SVOP: variants seen among roughly 807,000 people sequenced by gnomAD.
The protein encoded by SVOP is SV2 related protein.
In SVOP, 17 loss-of-function variants were observed where a neutral mutation model predicts 69.1. That is an observed-to-expected ratio of 0.25 (90% CI 0.17 to 0.37). The LOEUF is 0.37. Ranked by LOEUF, SVOP falls within the 10% of genes least tolerant of loss-of-function variation. The pLI is 1.00. For missense variants in SVOP, 435 were observed against 597.5 expected (o/e 0.73, Z 2.84); for synonymous variants, 238 against 238.6 (o/e 1.00, Z 0.02).
rs34124314 is a variant in SVOP, at chr12:109,004,410, C to CTTTTTT, written c.35+16418_35+16423dup. 1.2e-3 allele frequency among the ~76,000 whole-genome samples: 147 copies of CTTTTTT among 120,340 alleles called. 3 individuals carry two copies. Among genetic ancestry groups the CTTTTTT allele is most frequent in the Non-Finnish European group, 2.1e-3 (122 of 58,440 alleles). The allele number at this position is 120,340 out of a possible 152,430, so 78.9% of individuals were successfully genotyped here. A position where few individuals can be genotyped will look rare whatever the true frequency, so the allele number is the denominator to read the frequency against. ...CTGTGACTCGATTCAGGTATTGCTA[C>CTTTTTT]TTTTTTTTTTTTTTTTTTTGAGACA... On this transcript the variant is annotated intron_variant, in intron 1 of 15. Transcript: ENST00000610966.
At chr12:108,988,006 C>G (rs577977039) in intron 1 of SVOP, among the ~76,000 whole-genome samples, 5 of 152,164 alleles carry the variant, frequency 3.3e-5, no homozygotes, top group Non-Finnish European at 7.3e-5. Flanking sequence ...ACTGCAGCCT[C>G]GACCTCCTGG....
At chr12:108,988,023 G>A (rs1172948133) in intron 1 of SVOP, among the ~76,000 whole-genome samples, 1 of 152,112 alleles carries the variant, frequency 6.6e-6, no homozygotes, top group Non-Finnish European at 1.5e-5. Context: ...CTGGGCTCAG[G>A]TGCTCCTCCC....
At chr12:108,939,721 C>T (rs574552741) in intron 8 of SVOP, among the ~76,000 whole-genome samples, 4 of 152,196 alleles carry the variant, frequency 2.6e-5, no homozygotes, top group East Asian at 3.9e-4. Context: ...TTTTTCATAG[C>T]GCAAAGTTGT....
intron 11 of SVOP, among the ~76,000 whole-genome samples, chr12:108,928,117 T>C (rs1447580337): frequency 6.6e-6 from 1 of 151,848 alleles, no homozygotes; most frequent in Non-Finnish European, 1.5e-5. Context: ...TTGGCCAGGC[T>C]GGTCTCAAAC....
intron 1 of SVOP, among the ~76,000 whole-genome samples, chr12:109,015,611 G>C (rs530941775): frequency 5.8e-4 from 87 of 149,966 alleles, no homozygotes; most frequent in Middle Eastern, 3.4e-3. Context: ...CAGGTGACCA[G>C]CCTGGCCAAC....
Position 108,911,254 on chromosome 12 carries a change from C to T in SVOP, c.*1281G>A, listed in dbSNP as rs1354719330. 6.6e-6 allele frequency: 1 copy of T among 152,246 alleles called. No homozygotes were observed. The highest frequency in any genetic ancestry group is 1.5e-5 in the Non-Finnish European group (1 of 68,062). The allele number at this position is 152,246 out of a possible 1,614,324, so 9.4% of individuals were successfully genotyped here. A position where few individuals can be genotyped will look rare whatever the true frequency, so the allele number is the denominator to read the frequency against. On this transcript the variant is annotated 3_prime_UTR_variant, in exon 16 of 16. Coordinates refer to ENST00000610966, the MANE Select transcript of SVOP (RefSeq NM_018711.5). ...GTCCCTGGACAGAGGAGCAGCTTCG[C>T]ATCAGGGAATCCTGGTCCCCTGATC...
intron 5 of SVOP, among the ~76,000 whole-genome samples, chr12:108,963,342 C>T (rs2040027310): frequency 6.6e-6 from 1 of 152,138 alleles, no homozygotes; most frequent in Admixed American, 6.6e-5. Flanking sequence ...TAGAAAATGA[C>T]TTTATGTGGC....
chr12:108,950,141 G>A (rs2137413883), intron 6 of SVOP, among the ~76,000 whole-genome samples: 1 of 152,106 alleles, frequency 6.6e-6, no homozygotes, highest in East Asian at 1.9e-4. Context: ...ATAGCTCACT[G>A]CAGCCTTGAG....
At chr12:108,977,374 G>A in intron 4 of SVOP, 24 bp downstream of exon 4, 5 of 1,536,520 alleles carry the variant, frequency 3.3e-6, no homozygotes, top group Non-Finnish European at 4.4e-6. Context: ...GTATGCAACA[G>A]AAGGGAGCTG....
intron 9 of SVOP, among the ~76,000 whole-genome samples, chr12:108,938,070 T>A (rs1337264370): frequency 6.6e-6 from 1 of 152,164 alleles, no homozygotes; most frequent in Non-Finnish European, 1.5e-5. Flanking sequence ...TTGGGGCAGG[T>A]CCCCTGGACT....
At chr12:108,967,813 C>A (rs906043886) in intron 5 of SVOP, among the ~76,000 whole-genome samples, 3 of 152,126 alleles carry the variant, frequency 2.0e-5, no homozygotes, top group Non-Finnish European at 4.4e-5. Context: ...TTGCCAAGTG[C>A]CCCTAGCCCT....
chr12:108,926,333 C>A (rs894689459), intron 11 of SVOP: 8 of 152,158 alleles, frequency 5.3e-5, no homozygotes, highest in African/African-American at 1.9e-4. Flanking sequence ...TAATGGCCTC[C>A]AGCTGCCTCC....
intron 5 of SVOP, among the ~76,000 whole-genome samples, chr12:108,965,210 G>A (rs1265259601): frequency 2.0e-5 from 3 of 152,190 alleles, no homozygotes; most frequent in African/African-American, 7.2e-5. Context: ...CAGCAGCCCT[G>A]TGAACAAAGG....
chr12:108,939,159 C>G (rs1199941977), intron 8 of SVOP, among the ~76,000 whole-genome samples: 9 of 152,198 alleles, frequency 5.9e-5, no homozygotes, highest in Admixed American at 5.2e-4. Flanking sequence ...GCTTTCATTT[C>G]CTTCTCCATA....
At position 108,945,107 on chromosome 12, in the gene SVOP, A is replaced by G; in HGVS notation, c.638T>C (p.Ile213Thr). 2.6e-6 allele frequency: 4 copies of G among 1,536,910 alleles called. No individual in the cohort carries two copies. The highest frequency in any genetic ancestry group is 3.5e-6 in the Non-Finnish European group (4 of 1,146,724). ...MKARAKCILL[I>T]EVFWAIGTVF... ...CCAGGCCGCTCTCCTCCTTACCTCA[A>G]TCAGCAAAATACATTTAGCTCTGGC... The change falls in exon 7 of 16, where the codon ATT (isoleucine) becomes ACT (threonine). Residue 213 changes from isoleucine to threonine, a missense_variant. By Grantham distance (89) the Ile-to-Thr change is moderately conservative. Coordinates refer to ENST00000610966, the MANE Select transcript of SVOP (RefSeq NM_018711.5).
At chr12:108,933,865 G>A (rs1363409263) in intron 11 of SVOP, among the ~76,000 whole-genome samples, 1 of 152,204 alleles carries the variant, frequency 6.6e-6, no homozygotes, top group South Asian at 2.1e-4. Context: ...CCCTGTTTCT[G>A]TTTTCTTCAG....
At chr12:109,010,654 C>T (rs567780905) in intron 1 of SVOP, among the ~76,000 whole-genome samples, 1 of 152,046 alleles carries the variant, frequency 6.6e-6, no homozygotes, top group African/African-American at 2.4e-5. Context: ...GCTGTGACCA[C>T]AGGCACCACA....
In SVOP at chr12:108,983,733, T is replaced by C; in HGVS notation, c.64A>G (p.Ser22Gly). The change falls in exon 2 of 16, where the codon AGT becomes GGT. Residue 22 changes from serine (S) to glycine (G), a missense_variant. By Grantham distance (56) the Ser-to-Gly change is moderately conservative. Transcript: ENST00000610966. Reference protein sequence around the residue: ...PVVKFRRTGESARSEDDTASG... With the variant: ...PVVKFRRTGEGARSEDDTASG... The stretch of plus-strand genomic sequence containing the variant: ...GCCGTGTCGTCCTCTGACCTTGCAC[T>C]CTCGCCTGTGCGACGGAATTTCACA... The C allele has an allele frequency of 2.5e-6, 1 of 398,840 alleles. No individual in the cohort carries two copies. The highest frequency in any genetic ancestry group is 4.4e-6 in the Non-Finnish European group (1 of 226,206). The allele number at this position is 398,840 out of a possible 1,614,324, so 24.7% of individuals were successfully genotyped here.
chr12:109,020,760 C>CCA (rs1555254169), intron 1 of SVOP, 74 bp downstream of exon 1: 3 of 340,262 alleles, frequency 8.8e-6, no homozygotes, highest in Admixed American at 3.6e-5. Flanking sequence ...ATGTACCCCC[C>CCA]CCCACCCCCC....
Sources: allele counts gnomAD v4.1 joint callset (sites outside exome capture counted in the v4.1 genomes callset), GRCh38; gene constraint gnomAD v4.1.1; transcripts MANE v1.5; gene names NCBI Gene and HGNC (gene_info 2026-07-23, HGNC 2026-07-21).